Variants in FMN1 observed in about 807,000 individuals in gnomAD.
FMN1 encodes formin-1.
FMN1 carries 110 observed loss-of-function variants against 132.4 expected under a neutral mutation model. The ratio of observed to expected loss-of-function variants is 0.83; its 90% CI spans 0.71 to 0.97. The LOEUF (loss-of-function observed/expected upper bound fraction) is 0.97, where lower values mean the gene tolerates loss of function less well. FMN1 is among the 50% of genes least tolerant of loss of function. The pLI is 0.00. For synonymous variants in FMN1, 722 were observed against 651.7 expected (o/e 1.11, Z -1.64); for missense variants, 1,792 against 1,705.3 (o/e 1.05, Z -0.90).
intron 9 of FMN1, among the ~76,000 whole-genome samples, chr15:32,963,712 C>A (rs2030865601): frequency 6.6e-6 from 1 of 152,104 alleles, no homozygotes; most frequent in Non-Finnish European, 1.5e-5. Flanking sequence ...ACTACTTTCA[C>A]TAACTACAAA....
intron 17 of FMN1, among the ~76,000 whole-genome samples, chr15:32,806,006 A>T (rs770401252): frequency 6.6e-6 from 1 of 152,318 alleles, no homozygotes; most frequent in East Asian, 1.9e-4. Flanking sequence ...CCTTCTCTAC[A>T]ATCAGAAGAT....
intron 17 of FMN1, among the ~76,000 whole-genome samples, chr15:32,833,847 A>G (rs2058562680): frequency 6.6e-6 from 1 of 152,206 alleles, no homozygotes; most frequent in South Asian, 2.1e-4. Context: ...CAATAGGGCA[A>G]AGGAATGTGG....
intron 16 of FMN1, among the ~76,000 whole-genome samples, chr15:32,875,282 A>G (rs772579521): frequency 2.0e-5 from 3 of 152,032 alleles, no homozygotes; most frequent in Non-Finnish European, 2.9e-5. Context: ...ATCCAGGGGT[A>G]ACAGACCCCC....
chr15:33,045,953 T>C (rs2036660728), intron 6 of FMN1, among the ~76,000 whole-genome samples: 1 of 152,218 alleles, frequency 6.6e-6, no homozygotes, highest in African/African-American at 2.4e-5. Flanking sequence ...GCCATCAGGC[T>C]TAAGGCTCAT....
intron 17 of FMN1, among the ~76,000 whole-genome samples, chr15:32,841,808 G>A (rs144565125): frequency 2.0e-5 from 3 of 152,286 alleles, no homozygotes; most frequent in Admixed American, 6.5e-5. Context: ...GAACAGATAT[G>A]TATTTTGCTA....
At chr15:32,950,018 CATAT>C (rs369942861) in intron 9 of FMN1, among the ~76,000 whole-genome samples, 142 of 3,728 alleles carry the variant, frequency 0.038, 9 homozygotes, top group South Asian at 0.083. Context: ...TATATATACA[CATAT>C]ATATATATAT....
rs181534454 is a variant in FMN1, at chr15:33,080,756, G to A, written c.2043+8043C>T. 9.6e-3 allele frequency among the ~76,000 whole-genome samples: 1,468 copies of A among 152,166 alleles called. 13 individuals are homozygous for A. Among genetic ancestry groups the A allele is most frequent in the Non-Finnish European group, 0.015 (1,038 of 68,000 alleles). On this transcript the variant is annotated intron_variant, in intron 5 of 20. Transcript: ENST00000616417. ...ACTAAAATTAGCCGGGCATGGTGGCGCATGCCTGTAATCCCAGCTACTCGG... is the reference window on the plus strand; with the variant it reads ...ACTAAAATTAGCCGGGCATGGTGGCACATGCCTGTAATCCCAGCTACTCGG...
intron 17 of FMN1, among the ~76,000 whole-genome samples, chr15:32,819,639 A>T (rs1271343573): frequency 6.6e-6 from 1 of 152,192 alleles, no homozygotes; most frequent in East Asian, 1.9e-4. Flanking sequence ...CCCACAAAAA[A>T]ATTTAAAGAC....
intron 7 of FMN1, among the ~76,000 whole-genome samples, chr15:32,994,141 A>G (rs928533620): frequency 1.6e-4 from 24 of 152,160 alleles, no homozygotes; most frequent in African/African-American, 5.8e-4. Context: ...TGCTTTATCC[A>G]GAGCATATTT....
chr15:32,994,232 T>TCTCTCTCTCTCTCTCTCTCTCACA lies in FMN1; in HGVS notation c.2223+13781_2223+13782insTGTGAGAGAGAGAGAGAGAGAGAG, dbSNP rs904998781. Among the ~76,000 whole-genome samples, 17 of 37,260 alleles carry TCTCTCTCTCTCTCTCTCTCTCACA rather than the reference T, an allele frequency of 4.6e-4. No homozygotes were observed. In the East Asian group the frequency reaches 0.01, roughly 23 times the overall value. The allele number at this position is 37,260 out of a possible 152,430, so 24.4% of individuals were successfully genotyped here. On this transcript the variant is annotated intron_variant, in intron 7 of 20. Coordinates refer to ENST00000616417, the MANE Select transcript of FMN1 (RefSeq NM_001277313.2). ...TCATTCCTCTCTCTCTCTCTCTCTC[T>TCTCTCTCTCTCTCTCTCTCTCACA]CACACACACACACACACAGACACAC...
rs542865543 is a variant in FMN1, at chr15:32,875,396, TAA to T, written c.3835+12774_3835+12775del. Reference sequence around the variant, plus strand: ...TGCTTTGTCAACTGTAAGGAATTAATAAAAGCTAAAAAAATCACCAAGTGCCA... The same window carrying T: ...TGCTTTGTCAACTGTAAGGAATTAATAAGCTAAAAAAATCACCAAGTGCCA... On this transcript the variant is annotated intron_variant, in intron 16 of 20. Coordinates refer to ENST00000616417, the MANE Select transcript of FMN1 (RefSeq NM_001277313.2). Among the ~76,000 whole-genome samples the T allele has an allele frequency of 3.8e-4, 58 of 152,286 alleles. 2 individuals are homozygous for T. In the South Asian group the frequency reaches 0.012, roughly 31 times the overall value.
chr15:32,960,025 A>G (rs1013072950), intron 9 of FMN1, among the ~76,000 whole-genome samples: 4 of 152,212 alleles, frequency 2.6e-5, no homozygotes, highest in Non-Finnish European at 5.9e-5. Context: ...CCATTCAGGT[A>G]GAAACAAGTC....
chr15:33,117,888 G>C (rs2039987801), intron 4 of FMN1, among the ~76,000 whole-genome samples: 1 of 152,166 alleles, frequency 6.6e-6, no homozygotes, highest in South Asian at 2.1e-4. Flanking sequence ...GCATTCAAAT[G>C]CCTGTTCTTC....
At chr15:32,861,592 C>G (rs1054244225) in intron 16 of FMN1, among the ~76,000 whole-genome samples, 1 of 152,120 alleles carries the variant, frequency 6.6e-6, no homozygotes, top group African/African-American at 2.4e-5. Context: ...CAAGCAGGCT[C>G]ATAAATATTA....
Position 33,173,739 on chromosome 15 carries a change from G to C in FMN1, c.-132+6459C>G, listed in dbSNP as rs542106835. On this transcript the variant is annotated intron_variant, in intron 3 of 20. Coordinates refer to ENST00000616417, the MANE Select transcript of FMN1 (RefSeq NM_001277313.2). Reference sequence around the variant, plus strand: ...AGGTCAGGAGTTCCAGATCAGCCTGGACAACATGGTGAAACCCTGTCTCTA... The same window carrying C: ...AGGTCAGGAGTTCCAGATCAGCCTGCACAACATGGTGAAACCCTGTCTCTA... Among the ~76,000 whole-genome samples, 4 of 152,316 alleles carry C rather than the reference G, an allele frequency of 2.6e-5. No individual in the cohort carries two copies. In the East Asian group the frequency reaches 7.7e-4, roughly 29 times the overall value.
intron 4 of FMN1, among the ~76,000 whole-genome samples, chr15:33,128,743 G>A (rs187377801): frequency 5.9e-5 from 9 of 152,234 alleles, no homozygotes; most frequent in African/African-American, 1.4e-4. Context: ...AGGTGATGTG[G>A]TGAATTTTAA....
intron 10 of FMN1, among the ~76,000 whole-genome samples, chr15:32,919,300 C>T (rs918141171): frequency 6.6e-6 from 1 of 152,190 alleles, no homozygotes; most frequent in Non-Finnish European, 1.5e-5. Context: ...AATGGTAGAG[C>T]AGACACTTTG....
At chr15:33,015,524 G>A (rs72719366) in intron 6 of FMN1, among the ~76,000 whole-genome samples, 3,487 of 152,130 alleles carry the variant, frequency 0.023, 76 homozygotes, top group Middle Eastern at 0.048. Flanking sequence ...CATCACACAC[G>A]CACATGACAT....
At chr15:33,007,542 G>C (rs1213251963) in intron 7 of FMN1, among the ~76,000 whole-genome samples, 1 of 152,104 alleles carries the variant, frequency 6.6e-6, no homozygotes, top group African/African-American at 2.4e-5. Flanking sequence ...TGAGGATACG[G>C]AAGGGCTCAG....
Sources: gnomAD v4.1 joint callset for allele counts (sites outside exome capture counted in the v4.1 genomes callset) on GRCh38, gnomAD v4.1.1 for gene constraint, MANE v1.5 for transcripts, NCBI Gene and HGNC (gene_info 2026-07-23, HGNC 2026-07-21) for gene names.